Variants in APOOL observed in about 807,000 individuals in gnomAD.
The protein encoded by APOOL is MICOS complex subunit MIC27.
Under a neutral mutation model 23.1 loss-of-function variants are expected in APOOL, and 12 were observed. The observed-to-expected ratio is 0.52, with a 90% CI of 0.33 to 0.84. APOOL has a LOEUF of 0.84. APOOL is among the 40% of genes least tolerant of loss of function. The pLI is 0.02. For synonymous variants in APOOL, 77 were observed against 69.9 expected (o/e 1.10, Z -0.51); for missense variants, 212 against 199.6 (o/e 1.06, Z -0.37).
intron 5 of APOOL, 26 bp downstream of exon 5, chrX:85,055,951 T>C: frequency 9.4e-7 from 1 of 1,067,829 alleles, no homozygotes; most frequent in African/African-American, 1.9e-5. Flanking sequence ...ATATATTCTC[T>C]CTTAATGCCA....
chrX:85,039,064 A>G (rs894627948), intron 1 of APOOL, among the ~76,000 whole-genome samples: 1 of 110,613 alleles, frequency 9.0e-6, no homozygotes, highest in African/African-American at 3.3e-5. Context: ...TCCTCTTAAT[A>G]GTGCTTTAGC....
intron 6 of APOOL, among the ~76,000 whole-genome samples, chrX:85,069,216 TAG>T (rs983855695): frequency 9.0e-6 from 1 of 110,530 alleles, no homozygotes; most frequent in Non-Finnish European, 1.9e-5. Context: ...TGATGGACTT[TAG>T]AGAGTCTATA....
intron 5 of APOOL, among the ~76,000 whole-genome samples, chrX:85,061,628 G>A (rs1923227394): frequency 9.0e-6 from 1 of 111,490 alleles, no homozygotes; most frequent in Non-Finnish European, 1.9e-5. Flanking sequence ...ATGGGTCGAG[G>A]AATTTATCCA....
chrX:85,072,505 A>G (rs1923703754), intron 6 of APOOL, among the ~76,000 whole-genome samples: 3 of 111,084 alleles, frequency 2.7e-5, no homozygotes, highest in African/African-American at 6.5e-5. Flanking sequence ...AGGAAATACT[A>G]TAAGGGTTAT....
At chrX:85,064,145 A>G (rs915517197) in intron 5 of APOOL, among the ~76,000 whole-genome samples, 6 of 110,405 alleles carry the variant, frequency 5.4e-5, no homozygotes, top group Non-Finnish European at 1.1e-4. Context: ...TTTAGATTCT[A>G]TAGTATATTT....
At chrX:85,049,538 C>T (rs1190665748) in intron 2 of APOOL, among the ~76,000 whole-genome samples, 1 of 111,466 alleles carries the variant, frequency 9.0e-6, no homozygotes, top group African/African-American at 3.3e-5. Flanking sequence ...AATCCCAGCA[C>T]TTTAGGATGC....
At chrX:85,046,988 A>G (rs1922597569) in intron 2 of APOOL, among the ~76,000 whole-genome samples, 1 of 111,220 alleles carries the variant, frequency 9.0e-6, no homozygotes, top group Non-Finnish European at 1.9e-5. Context: ...GTGGCCATAT[A>G]TCTTCTACAT....
chrX:85,084,750 A>G (rs1241065355), intron 8 of APOOL, among the ~76,000 whole-genome samples: 1 of 111,833 alleles, frequency 8.9e-6, no homozygotes, highest in Non-Finnish European at 1.9e-5. Flanking sequence ...ATTCTTTCTA[A>G]TTCAGGAAAT....
At chrX:85,056,427 T>G (rs1922965526) in intron 5 of APOOL, among the ~76,000 whole-genome samples, 1 of 111,845 alleles carries the variant, frequency 8.9e-6, no homozygotes, top group African/African-American at 3.2e-5. Flanking sequence ...AATTATAATT[T>G]TAATAGAAAT....
chrX:85,078,306 A>G (rs926348475), intron 8 of APOOL, among the ~76,000 whole-genome samples: 2 of 111,893 alleles, frequency 1.8e-5, no homozygotes, highest in African/African-American at 6.5e-5. Flanking sequence ...CTTTCTACAT[A>G]TGACTAGCCA....
Position 85,088,237 on chromosome X carries a change from A to ATGTATAAAT in APOOL, c.*559_*560insTGTATAAAT. 2.9e-4 allele frequency: 15 copies of ATGTATAAAT among 51,180 alleles called. No individual in the cohort carries two copies. The highest frequency in any genetic ancestry group is 3.6e-4 in the Non-Finnish European group (10 of 27,448). 4.2% of individuals were successfully genotyped at this position (51,180 alleles called of 1,213,427 possible). On this transcript the variant is annotated 3_prime_UTR_variant, in exon 9 of 9. Coordinates refer to ENST00000373173, the MANE Select transcript of APOOL (RefSeq NM_198450.6). ...AAATACATACATATTTATACATATA[A>ATGTATAAAT]ACATATATTTCTGCTCTAGCTTTCC... is the stretch of plus-strand genomic sequence containing the variant.
At chrX:85,050,775 C>T (rs1212343956) in intron 2 of APOOL, among the ~76,000 whole-genome samples, 1 of 109,881 alleles carries the variant, frequency 9.1e-6, no homozygotes, top group Non-Finnish European at 1.9e-5. Context: ...GATGTACAAC[C>T]GTATACCTAG....
intron 8 of APOOL, among the ~76,000 whole-genome samples, chrX:85,086,229 A>G (rs184358335): frequency 6.8e-4 from 75 of 110,862 alleles, no homozygotes; most frequent in African/African-American, 2.4e-3. Context: ...GGCCTGTGGG[A>G]TATCTCTTGC....
chrX:85,010,270 A>G (rs1921231332), intron 1 of APOOL, among the ~76,000 whole-genome samples: 1 of 112,132 alleles, frequency 8.9e-6, no homozygotes, highest in African/African-American at 3.2e-5. Context: ...GTAATTCTCC[A>G]ATGATATGCT....
intron 1 of APOOL, among the ~76,000 whole-genome samples, chrX:85,024,803 A>G (rs1921784897): frequency 8.9e-6 from 1 of 112,246 alleles, no homozygotes; most frequent in Non-Finnish European, 1.9e-5. Context: ...CCCAGTTTTC[A>G]CCATCTGCCA....
intron 8 of APOOL, among the ~76,000 whole-genome samples, chrX:85,081,760 C>A (rs1304872688): frequency 1.8e-5 from 2 of 111,354 alleles, no homozygotes; most frequent in Non-Finnish European, 3.8e-5. Context: ...TCTCATAGTC[C>A]CATATTTCTT....
intron 1 of APOOL, among the ~76,000 whole-genome samples, chrX:85,011,481 T>C (rs1921277739): frequency 8.9e-6 from 1 of 112,088 alleles, no homozygotes; most frequent in African/African-American, 3.2e-5. Context: ...GGTCTTAGAT[T>C]TAAGTCTTTG....
chrX:85,091,423 G>A lies in APOOL; in HGVS notation c.*3745G>A, dbSNP rs917509198. ...AGTGATAGCTGGTATTTACAGATAT[G>A]GTACTTTACACAATTTATGTAATTA... is the stretch of plus-strand genomic sequence containing the variant. On this transcript the variant is annotated 3_prime_UTR_variant, in exon 9 of 9. Coordinates refer to ENST00000373173, the MANE Select transcript of APOOL (RefSeq NM_198450.6). 9.0e-6 allele frequency: 1 copy of A among 111,657 alleles called. No homozygotes were observed. Among genetic ancestry groups the A allele is most frequent in the African/African-American group, 3.3e-5 (1 of 30,738 alleles). 9.2% of individuals were successfully genotyped at this position (111,657 alleles called of 1,213,427 possible).
At chrX:85,073,712 T>C (rs1295852974) in intron 6 of APOOL, among the ~76,000 whole-genome samples, 1 of 110,897 alleles carries the variant, frequency 9.0e-6, no homozygotes, top group Admixed American at 9.7e-5. Flanking sequence ...TTTATATATG[T>C]CAATCTAATC....
Sources: allele counts gnomAD v4.1 joint callset (sites outside exome capture counted in the v4.1 genomes callset), GRCh38; gene constraint gnomAD v4.1.1; transcripts MANE v1.5; gene names NCBI Gene and HGNC (gene_info 2026-07-23, HGNC 2026-07-21).